SPEM3: variants seen among roughly 807,000 people sequenced by gnomAD.
The protein encoded by SPEM3 is uncharacterized protein SPEM3.
At position 7,429,769 on chromosome 17, in the gene SPEM3, T is replaced by G. The variant is rs1326344241; in HGVS notation, c.598T>G (p.Cys200Gly). 1.0e-5 allele frequency: 4 copies of G among 399,822 alleles called. No individual in the cohort carries two copies. In the Admixed American group the frequency reaches 1.8e-4, roughly 18 times the overall value. 24.8% of individuals were successfully genotyped at this position (399,822 alleles called of 1,614,324 possible). ...PQESKTKTPDCAPAEAPAQAQ... is the reference protein window; with the variant it reads ...PQESKTKTPDGAPAEAPAQAQ... ...AGAGAGCAAGACTAAGACCCCAGAC[T>G]GTGCCCCAGCCGAGGCCCCAGCTCA... Residue 200 changes from cysteine to glycine, a missense_variant, in exon 3 of 3, where the codon TGT (cysteine) becomes GGT (glycine). Cys to Gly is a radical substitution (Grantham distance 159). Transcript: ENST00000636696. The surrounding 1 kb of genome is among the most constrained non-coding windows in gnomAD (Gnocchi z 4.9).
At position 7,432,215 on chromosome 17, in the gene SPEM3, C is replaced by G. The variant is rs902497497; in HGVS notation, c.3044C>G (p.Pro1015Arg). The stretch of plus-strand genomic sequence containing the variant: ...CCCTACAAGAGCTCATGCCTCATCC[C>G]AGATCCCAGCCTCTACAAGAACCCA... ...SGPYKSSCLI[P>R]DPSLYKNPSP... is the part of the protein sequence containing the mutation. Residue 1015 changes from proline to arginine, a missense_variant, in exon 3 of 3, where the codon CCA becomes CGA. By Grantham distance (103) the Pro-to-Arg change is moderately radical (BLOSUM62 -2). Coordinates refer to ENST00000636696, the MANE Select transcript of SPEM3 (RefSeq NM_001364708.1). The surrounding 1 kb of genome is among the most constrained non-coding windows in gnomAD (Gnocchi z 4.1). 18 of 398,604 alleles carry G rather than the reference C, an allele frequency of 4.5e-5. No individual in the cohort carries two copies. In the Admixed American group the frequency reaches 7.0e-4, roughly 16 times the overall value. The allele number at this position is 398,604 out of a possible 1,614,324, so 24.7% of individuals were successfully genotyped here. A position where few individuals can be genotyped will look rare whatever the true frequency, so the allele number is the denominator to read the frequency against.
chr17:7,429,247 G>A lies in SPEM3; in HGVS notation c.196G>A (p.Asp66Asn). 2.5e-6 allele frequency: 1 copy of A among 398,526 alleles called. No individual in the cohort carries two copies. Among genetic ancestry groups the A allele is most frequent in the Non-Finnish European group, 4.4e-6 (1 of 226,036 alleles). 24.7% of individuals were successfully genotyped at this position (398,526 alleles called of 1,614,324 possible). The change falls in exon 2 of 3, where the codon GAC (aspartate) becomes AAC (asparagine). Residue 66 changes from aspartate to asparagine, a missense_variant and splice_region_variant. Physicochemically the swap from Asp to Asn is conservative, Grantham distance 23 (BLOSUM62 1). Transcript: ENST00000636696. This position sits in a 1 kb window ranked among gnomAD's most constrained non-coding sequence, Gnocchi z 4.9. ...RILFRHFFPK[D>N]KQPSGSHPIC... ...TCTTTTCCGTCATTTTTTCCCCAAA[G>A]GTGAGTGGGCCCCTGTATGGGCTCC...
rs1322542240 is a variant in SPEM3, at chr17:7,429,763, C to G, written c.592C>G (p.Pro198Ala). The change falls in exon 3 of 3, where the codon CCA (proline) becomes GCA (alanine). Residue 198 changes from proline to alanine, a missense_variant. Transcript: ENST00000636696. This position sits in a 1 kb window ranked among gnomAD's most constrained non-coding sequence, Gnocchi z 4.9. ...GCCCCAAGAGAGCAAGACTAAGACC[C>G]CAGACTGTGCCCCAGCCGAGGCCCC... ...HLPQESKTKTPDCAPAEAPAQ... is the reference protein window; with the variant it reads ...HLPQESKTKTADCAPAEAPAQ... 5 of 399,832 alleles carry G rather than the reference C, an allele frequency of 1.3e-5. No individual in the cohort carries two copies. The highest frequency in any genetic ancestry group is 2.1e-5 in the African/African-American group (1 of 48,542). 24.8% of individuals were successfully genotyped at this position (399,832 alleles called of 1,614,324 possible). A position where few individuals can be genotyped will look rare whatever the true frequency, so the allele number is the denominator to read the frequency against.
In SPEM3 at chr17:7,429,326, T is replaced by C. The variant is rs1907751395; in HGVS notation, c.197-42T>C. 1 of 398,526 alleles carries C rather than the reference T, an allele frequency of 2.5e-6. No individual in the cohort carries two copies. The highest frequency in any genetic ancestry group is 4.4e-6 in the Non-Finnish European group (1 of 226,042). The allele number at this position is 398,526 out of a possible 1,614,324, so 24.7% of individuals were successfully genotyped here. Reference sequence around the variant, plus strand: ...TATCCCTGGCCCAGTTCTTAGTCCCTAGGGAACCCGGGCATTGTCCCCATC... The same window carrying C: ...TATCCCTGGCCCAGTTCTTAGTCCCCAGGGAACCCGGGCATTGTCCCCATC... On this transcript the variant is annotated intron_variant, in intron 2 of 2. Transcript: ENST00000636696. This position sits in a 1 kb window ranked among gnomAD's most constrained non-coding sequence, Gnocchi z 4.9.
At position 7,432,451 on chromosome 17, in the gene SPEM3, G is replaced by T. The variant is rs560096284; in HGVS notation, c.3280G>T (p.Glu1094Ter). 3 of 398,718 alleles carry T rather than the reference G, an allele frequency of 7.5e-6. No individual in the cohort carries two copies. The highest frequency in any genetic ancestry group is 1.3e-5 in the Non-Finnish European group (3 of 226,094). 24.7% of individuals were successfully genotyped at this position (398,718 alleles called of 1,614,324 possible). A position where few individuals can be genotyped will look rare whatever the true frequency, so the allele number is the denominator to read the frequency against. The change falls in exon 3 of 3, where the codon GAG (glutamate) becomes TAG (stop). Residue 1094 changes from glutamate (E) to a stop codon, truncating the protein, a stop_gained. Coordinates refer to ENST00000636696, the MANE Select transcript of SPEM3 (RefSeq NM_001364708.1). LOFTEE classifies it low-confidence loss of function (END_TRUNC). This position sits in a 1 kb window ranked among gnomAD's most constrained non-coding sequence, Gnocchi z 4.1. ...VVSNDLQTFSEVPVLIELQSS... is the reference protein window; with the variant it reads ...VVSNDLQTFS ...CTCCAATGACCTGCAGACCTTCTCA[G>T]AGGTACCTGTATTAATTGAGCTGCA... is the stretch of plus-strand genomic sequence containing the variant.
rs142791746 is a variant in SPEM3 at position 7,431,648 on chromosome 17, A to G, written c.2477A>G (p.Gln826Arg). 1.2e-3 allele frequency: 488 copies of G among 398,594 alleles called. 6 individuals are homozygous for G. Among genetic ancestry groups the G allele is most frequent in the African/African-American group, 9.4e-3 (459 of 48,734 alleles). 24.7% of individuals were successfully genotyped at this position (398,594 alleles called of 1,614,324 possible). ...TVIYKNQDLSQATDHQKNLGS... is the reference protein window; with the variant it reads ...TVIYKNQDLSRATDHQKNLGS... Reference sequence around the variant, plus strand: ...ATCTACAAAAATCAAGATCTCTCCCAAGCAACTGACCACCAAAAGAACCTA... The same window carrying G: ...ATCTACAAAAATCAAGATCTCTCCCGAGCAACTGACCACCAAAAGAACCTA... The change falls in exon 3 of 3, where the codon CAA becomes CGA. Residue 826 changes from glutamine to arginine, a missense_variant. Gln to Arg is a conservative substitution (Grantham distance 43). Coordinates refer to ENST00000636696, the MANE Select transcript of SPEM3 (RefSeq NM_001364708.1).
chr17:7,430,829 C>G lies in SPEM3; in HGVS notation c.1658C>G (p.Thr553Arg), dbSNP rs1907808874. The G allele has an allele frequency of 2.5e-6, 1 of 398,540 alleles. No individual in the cohort carries two copies. Among genetic ancestry groups the G allele is most frequent in the Non-Finnish European group, 4.4e-6 (1 of 226,110 alleles). The allele number at this position is 398,540 out of a possible 1,614,324, so 24.7% of individuals were successfully genotyped here. ...CATCCTTGCAGTTCTGAGAAGAACA[C>G]AGACTCCCAGGCTCCATTCTACCCC... is the stretch of plus-strand genomic sequence containing the variant. ...SFHPCSSEKNTDSQAPFYPKF... is the reference protein window; with the variant it reads ...SFHPCSSEKNRDSQAPFYPKF... Residue 553 changes from threonine (T) to arginine (R), a missense_variant, in exon 3 of 3, where the codon ACA (threonine) becomes AGA (arginine). By Grantham distance (71) the Thr-to-Arg change is moderately conservative. Transcript: ENST00000636696.
rs1188596248 is a variant in SPEM3 at position 7,432,666 on chromosome 17, C to G, written c.3495C>G (p.Gly1165=). 1 of 398,534 alleles carries G rather than the reference C, an allele frequency of 2.5e-6. No individual in the cohort carries two copies. The highest frequency in any genetic ancestry group is 3.6e-5 in the East Asian group (1 of 28,088). The allele number at this position is 398,534 out of a possible 1,614,324, so 24.7% of individuals were successfully genotyped here. The change falls in exon 3 of 3, where the codon GGC becomes GGG. Residue 1165 remains glycine, a synonymous_variant. Transcript: ENST00000636696. The surrounding 1 kb of genome is among the most constrained non-coding windows in gnomAD (Gnocchi z 4.1). ...CCCGTCAGAGACGGTTGGCAGTGGG[C>G]AAGGACAAGTGTGAAGCTCTGTCTC... The part of the protein sequence containing the change: ...FDARQRRLAV[G]KDKCEALSPR...
At position 7,431,493 on chromosome 17, in the gene SPEM3, A is replaced by T. The variant is rs538350563; in HGVS notation, c.2322A>T (p.Pro774=). The T allele has an allele frequency of 2.5e-6, 1 of 398,638 alleles. No individual in the cohort carries two copies. The highest frequency in any genetic ancestry group is 1.3e-4 in the South Asian group (1 of 7,860). 24.7% of individuals were successfully genotyped at this position (398,638 alleles called of 1,614,324 possible). ...LTQEAGILRS[P]CLTQSPGLHK... is the part of the protein sequence containing the mutation. The stretch of plus-strand genomic sequence containing the variant: ...AAGAAGCTGGTATCCTTAGGAGCCC[A>T]TGTCTCACCCAATCCCCTGGCCTCC... The change falls in exon 3 of 3, where the codon CCA becomes CCT. Residue 774 remains proline, a synonymous_variant. Transcript: ENST00000636696.
chr17:7,430,283 T>TC lies in SPEM3; in HGVS notation c.1115dup (p.Thr373AsnfsTer47), dbSNP rs1195226255. ...CATCTAGTCCGCAGCTCCGTTCCTG[T>TC]CCCAACCTCTGCCCCAGCTCCTCCC... On this transcript the variant is annotated frameshift_variant, in exon 3 of 3. Coordinates refer to ENST00000636696, the MANE Select transcript of SPEM3 (RefSeq NM_001364708.1). LOFTEE classifies it low-confidence loss of function (END_TRUNC). The TC allele has an allele frequency of 2.4e-6, 1 of 410,396 alleles. No individual in the cohort carries two copies. The highest frequency in any genetic ancestry group is 4.4e-5 in the Admixed American group (1 of 22,732). 25.4% of individuals were successfully genotyped at this position (410,396 alleles called of 1,614,324 possible). A position where few individuals can be genotyped will look rare whatever the true frequency, so the allele number is the denominator to read the frequency against.
In SPEM3 at chr17:7,431,908, G is replaced by A; in HGVS notation, c.2737G>A (p.Gly913Arg). The stretch of plus-strand genomic sequence containing the variant: ...GTGCTCAGGCCTTACCCAAAACTCA[G>A]GAGACTACAAGAATCCAGGACTTAT... ...PKCSGLTQNS[G>R]DYKNPGLIQD... Residue 913 changes from glycine (G) to arginine (R), a missense_variant, in exon 3 of 3, where the codon GGA (glycine) becomes AGA (arginine). Transcript: ENST00000636696. The A allele has an allele frequency of 2.5e-6, 1 of 398,540 alleles. No homozygotes were observed. The highest frequency in any genetic ancestry group is 4.4e-5 in the Admixed American group (1 of 22,722). The allele number at this position is 398,540 out of a possible 1,614,324, so 24.7% of individuals were successfully genotyped here.
rs532930601 is a variant in SPEM3 at position 7,432,362 on chromosome 17, G to A, written c.3191G>A (p.Arg1064Gln). The change falls in exon 3 of 3, where the codon CGG (arginine) becomes CAG (glutamine). Residue 1064 changes from arginine (R) to glutamine (Q), a missense_variant. Physicochemically the swap from Arg to Gln is conservative, Grantham distance 43 (BLOSUM62 1). Coordinates refer to ENST00000636696, the MANE Select transcript of SPEM3 (RefSeq NM_001364708.1). The surrounding 1 kb of genome is among the most constrained non-coding windows in gnomAD (Gnocchi z 4.1). ...GCTGCTCAGAAGGAGGACGCACAGC[G>A]GCACGTCCTCTGGGCTCGTGTCCAA... ...EKAAQKEDAQ[R>Q]HVLWARVQLN... 6.8e-5 allele frequency: 27 copies of A among 398,668 alleles called. No individual in the cohort carries two copies. Among genetic ancestry groups the A allele is most frequent in the African/African-American group, 3.5e-4 (17 of 48,754 alleles). 24.7% of individuals were successfully genotyped at this position (398,668 alleles called of 1,614,324 possible).
Position 7,430,787 on chromosome 17 carries a change from C to T in SPEM3, c.1616C>T (p.Ser539Phe), listed in dbSNP as rs189086540. The T allele has an allele frequency of 7.5e-6, 3 of 398,646 alleles. No homozygotes were observed. Among genetic ancestry groups the T allele is most frequent in the Non-Finnish European group, 8.8e-6 (2 of 226,100 alleles). 24.7% of individuals were successfully genotyped at this position (398,646 alleles called of 1,614,324 possible). Reference protein sequence around the residue: ...AKDKFPQTKTSPYCSFHPCSS... With the variant: ...AKDKFPQTKTFPYCSFHPCSS... ...GATAAGTTCCCCCAGACCAAGACTT[C>T]CCCTTACTGCAGCTTCCATCCTTGC... The change falls in exon 3 of 3, where the codon TCC becomes TTC. Residue 539 changes from serine (S) to phenylalanine (F), a missense_variant. By Grantham distance (155) the Ser-to-Phe change is radical. Coordinates refer to ENST00000636696, the MANE Select transcript of SPEM3 (RefSeq NM_001364708.1).
chr17:7,432,597 C>T lies in SPEM3; in HGVS notation c.3426C>T (p.His1142=), dbSNP rs1907866041. 1 of 398,576 alleles carries T rather than the reference C, an allele frequency of 2.5e-6. No individual in the cohort carries two copies. Among genetic ancestry groups the T allele is most frequent in the African/African-American group, 2.1e-5 (1 of 48,648 alleles). The allele number at this position is 398,576 out of a possible 1,614,324, so 24.7% of individuals were successfully genotyped here. ...SMPTHINWKS[H]CPGPGTQAGH... ...CTACCCATATCAACTGGAAGTCCCA[C>T]TGCCCTGGACCAGGCACCCAGGCAG... is the stretch of plus-strand genomic sequence containing the variant. Residue 1142 remains histidine, a synonymous_variant, in exon 3 of 3, where the codon CAC becomes CAT. Transcript: ENST00000636696. This position sits in a 1 kb window ranked among gnomAD's most constrained non-coding sequence, Gnocchi z 4.1.
At position 7,430,402 on chromosome 17, in the gene SPEM3, G is replaced by A. The variant is rs1043131280; in HGVS notation, c.1231G>A (p.Ala411Thr). ...APSPAPALVMALTTTPVPDPV... is the reference protein window; with the variant it reads ...APSPAPALVMTLTTTPVPDPV... ...CAGCCCTGCTCCAGCACTGGTCATG[G>A]CCCTGACTACCACTCCTGTCCCTGA... The change falls in exon 3 of 3, where the codon GCC (alanine) becomes ACC (threonine). Residue 411 changes from alanine (A) to threonine (T), a missense_variant. Coordinates refer to ENST00000636696, the MANE Select transcript of SPEM3 (RefSeq NM_001364708.1). 2.2e-5 allele frequency: 9 copies of A among 408,036 alleles called. No individual in the cohort carries two copies. Among genetic ancestry groups the A allele is most frequent in the African/African-American group, 1.6e-4 (8 of 48,592 alleles). 25.3% of individuals were successfully genotyped at this position (408,036 alleles called of 1,614,324 possible).
chr17:7,430,498 G>C lies in SPEM3; in HGVS notation c.1327G>C (p.Asp443His). 2.5e-6 allele frequency: 1 copy of C among 399,304 alleles called. No individual in the cohort carries two copies. Among genetic ancestry groups the C allele is most frequent in the Admixed American group, 4.4e-5 (1 of 22,726 alleles). 24.7% of individuals were successfully genotyped at this position (399,304 alleles called of 1,614,324 possible). ...CTCTACCCCACCTGCCTTCAGCCAT[G>C]ACCTCTCCACTGGCCATGTGGTCTA... ...IPSTPPAFSH[D>H]LSTGHVVYDA... Residue 443 changes from aspartate to histidine, a missense_variant, in exon 3 of 3, where the codon GAC becomes CAC. By Grantham distance (81) the Asp-to-His change is moderately conservative (BLOSUM62 -1). Coordinates refer to ENST00000636696, the MANE Select transcript of SPEM3 (RefSeq NM_001364708.1).
At position 7,430,326 on chromosome 17, in the gene SPEM3, C is replaced by T. The variant is rs2150827333; in HGVS notation, c.1155C>T (p.Ala385=). 2 of 419,148 alleles carry T rather than the reference C, an allele frequency of 4.8e-6. No individual in the cohort carries two copies. Among genetic ancestry groups the T allele is most frequent in the East Asian group, 3.5e-5 (1 of 28,250 alleles). 26.0% of individuals were successfully genotyped at this position (419,148 alleles called of 1,614,324 possible). The change falls in exon 3 of 3, where the codon GCC becomes GCT. Residue 385 remains alanine (A), a synonymous_variant. Transcript: ENST00000636696. ...APAPPGTLAP[A]TTPVLAPTPA... is the part of the protein sequence containing the mutation. ...CTCCTCCCGGAACTCTTGCCCCAGC[C>T]ACTACTCCTGTCCTAGCTCCAACAC...
rs764855763 is a variant in SPEM3, at chr17:7,430,785, T to A, written c.1614T>A (p.Thr538=). 4.3e-5 allele frequency: 17 copies of A among 398,494 alleles called. No homozygotes were observed. Among genetic ancestry groups the A allele is most frequent in the Middle Eastern group, 1.2e-3 (2 of 1,610 alleles). The allele number at this position is 398,494 out of a possible 1,614,324, so 24.7% of individuals were successfully genotyped here. A position where few individuals can be genotyped will look rare whatever the true frequency, so the allele number is the denominator to read the frequency against. ...DAKDKFPQTK[T]SPYCSFHPCS... The stretch of plus-strand genomic sequence containing the variant: ...AAGATAAGTTCCCCCAGACCAAGAC[T>A]TCCCCTTACTGCAGCTTCCATCCTT... The change falls in exon 3 of 3, where the codon ACT becomes ACA. Residue 538 remains threonine (T), a synonymous_variant. Transcript: ENST00000636696.
At position 7,432,180 on chromosome 17, in the gene SPEM3, G is replaced by C. The variant is rs945044143; in HGVS notation, c.3009G>C (p.Gln1003His). Residue 1003 changes from glutamine (Q) to histidine (H), a missense_variant, in exon 3 of 3, where the codon CAG becomes CAC. Gln to His is a conservative substitution (Grantham distance 24, BLOSUM62 0). Coordinates refer to ENST00000636696, the MANE Select transcript of SPEM3 (RefSeq NM_001364708.1). This position sits in a 1 kb window ranked among gnomAD's most constrained non-coding sequence, Gnocchi z 4.1. ...SGLPKISGLT[Q>H]ESGPYKSSCL... is the part of the protein sequence containing the mutation. ...TCCCCAAGATTTCAGGCCTTACCCAGGAATCTGGCCCCTACAAGAGCTCAT... is the reference window on the plus strand; with the variant it reads ...TCCCCAAGATTTCAGGCCTTACCCACGAATCTGGCCCCTACAAGAGCTCAT... The C allele has an allele frequency of 2.5e-6, 1 of 398,506 alleles. No homozygotes were observed. The highest frequency in any genetic ancestry group is 4.4e-6 in the Non-Finnish European group (1 of 226,096). 24.7% of individuals were successfully genotyped at this position (398,506 alleles called of 1,614,324 possible). A position where few individuals can be genotyped will look rare whatever the true frequency, so the allele number is the denominator to read the frequency against.
Sources: allele counts gnomAD v4.1 joint callset, GRCh38; gene constraint gnomAD v4.1.1; non-coding constraint Gnocchi (gnomAD v3.1); transcripts MANE v1.5; gene names NCBI Gene and HGNC (gene_info 2026-07-23, HGNC 2026-07-21).